Variants in LNX2 observed in about 807,000 individuals in gnomAD.
LNX2 encodes ligand of numb-protein X 2.
Under a neutral mutation model 66.2 loss-of-function variants are expected in LNX2, and 35 were observed. The observed-to-expected ratio is 0.53, with a 90% CI of 0.40 to 0.70. LNX2 has a LOEUF of 0.70. Among genes scored for constraint, LNX2 ranks in the 30% least tolerant of loss-of-function variants. LNX2 has a pLI of 0.00. For missense variants in LNX2, 791 were observed against 850.8 expected, an observed-to-expected ratio of 0.93 and a Z score of 0.87; for synonymous variants, 337 against 315.6, an observed-to-expected ratio of 1.07 and a Z score of -0.72.
intron 8 of LNX2, among the ~76,000 whole-genome samples, chr13:27,551,320 T>C (rs1593236633): frequency 6.6e-6 from 1 of 151,824 alleles, no homozygotes; most frequent in African/African-American, 2.4e-5. Context: ...CACACATGCA[T>C]ATATAAATGT....
At chr13:27,584,228 T>C (rs1353709292) in intron 1 of LNX2, among the ~76,000 whole-genome samples, 1 of 152,200 alleles carries the variant, frequency 6.6e-6, no homozygotes, top group African/African-American at 2.4e-5. Flanking sequence ...TGCTTATTTA[T>C]TTAAAGTATT....
rs34922531 is a variant in LNX2, at chr13:27,609,148, A to ATT, written c.-101+11225_-101+11226dup. Among the ~76,000 whole-genome samples, 104 of 56,518 alleles carry ATT rather than the reference A, an allele frequency of 1.8e-3. 1 individual carries two copies. The highest frequency in any genetic ancestry group is 4.8e-3 in the African/African-American group (101 of 21,092). The allele number at this position is 56,518 out of a possible 152,430, so 37.1% of individuals were successfully genotyped here. ...CAAAAGGTTCAAATAACCAACAGTG[A>ATT]TTTTTTTTTTCTTTTTTTTTAAGAG... On this transcript the variant is annotated intron_variant, in intron 1 of 9. Coordinates refer to ENST00000316334, the MANE Select transcript of LNX2 (RefSeq NM_153371.4).
rs1315567351 is a variant in LNX2, at chr13:27,546,222, C to T, written c.*2113G>A. The T allele has an allele frequency of 3.9e-5, 6 of 152,222 alleles. No homozygotes were observed. In the South Asian group the frequency reaches 1.0e-3, roughly 26 times the overall value. 9.4% of individuals were successfully genotyped at this position (152,222 alleles called of 1,614,324 possible). A position where few individuals can be genotyped will look rare whatever the true frequency, so the allele number is the denominator to read the frequency against. The stretch of plus-strand genomic sequence containing the variant: ...TTCTTTCAAAATACTCATTATGCCA[C>T]CAGGTTCAATGTAAGTATTTTGTAT... On this transcript the variant is annotated 3_prime_UTR_variant, in exon 10 of 10. Transcript: ENST00000316334.
chr13:27,611,089 A>G (rs1448918016), intron 1 of LNX2, among the ~76,000 whole-genome samples: 2 of 152,242 alleles, frequency 1.3e-5, no homozygotes, highest in Non-Finnish European at 2.9e-5. Context: ...ATATGATCTA[A>G]TAATCCCACT....
chr13:27,568,491 T>C (rs1955233534), intron 3 of LNX2, among the ~76,000 whole-genome samples: 2 of 152,196 alleles, frequency 1.3e-5, no homozygotes, highest in Admixed American at 6.5e-5. Context: ...ATGCATGGTC[T>C]TGGAGTCAAA....
intron 1 of LNX2, among the ~76,000 whole-genome samples, chr13:27,586,679 G>C (rs758726578): frequency 6.6e-6 from 1 of 152,194 alleles, no homozygotes; most frequent in Non-Finnish European, 1.5e-5. Context: ...ATATATCTGT[G>C]AGCAGTGTGA....
intron 1 of LNX2, among the ~76,000 whole-genome samples, chr13:27,591,436 CA>C (rs528528704): frequency 1.2e-3 from 183 of 152,268 alleles, no homozygotes; most frequent in African/African-American, 4.2e-3. Context: ...CCTGTGTTTC[CA>C]AAACGGATTC....
chr13:27,591,518 A>T (rs898952271), intron 1 of LNX2, among the ~76,000 whole-genome samples: 1 of 152,194 alleles, frequency 6.6e-6, no homozygotes, highest in African/African-American at 2.4e-5. Flanking sequence ...TAGGGAGTGA[A>T]CTTTCACAAA....
At chr13:27,553,950 A>G (rs1955032059) in intron 7 of LNX2, among the ~76,000 whole-genome samples, 1 of 152,210 alleles carries the variant, frequency 6.6e-6, no homozygotes, top group African/African-American at 2.4e-5. Flanking sequence ...GGCCCACATG[A>G]AGAAATGAAA....
rs1170497847 is a variant in LNX2, at chr13:27,553,111, T to C, written c.1778+97A>G. 1.6e-5 allele frequency: 16 copies of C among 1,011,936 alleles called. No individual in the cohort carries two copies. The East Asian group carries it at 3.7e-4, about 23-fold the overall frequency. 62.7% of individuals were successfully genotyped at this position (1,011,936 alleles called of 1,614,324 possible). The stretch of plus-strand genomic sequence containing the variant: ...GCTATTTTACTGAATTAAAGCTTTT[T>C]TTTTTATCCCAACGAGTAAATTTAT... On this transcript the variant is annotated intron_variant, in intron 8 of 9. Transcript: ENST00000316334.
intron 1 of LNX2, among the ~76,000 whole-genome samples, chr13:27,603,158 T>C (rs761823838): frequency 1.3e-5 from 2 of 152,202 alleles, no homozygotes; most frequent in Non-Finnish European, 2.9e-5. Context: ...TACTACTTAA[T>C]AATACCAACA....
Position 27,553,702 on chromosome 13 carries a change from A to G in LNX2, c.1547-263T>C, listed in dbSNP as rs1261250061. On this transcript the variant is annotated intron_variant, in intron 7 of 9. Transcript: ENST00000316334. ...CCTGAGGCACCTTGACATGATTGGA[A>G]GTTCGAATCATCAGTCTGAGTTTAG... Among the ~76,000 whole-genome samples the G allele has an allele frequency of 8.7e-4, 133 of 152,306 alleles. 3 individuals carry two copies. The highest frequency in any genetic ancestry group is 5.9e-5 in the Non-Finnish European group (4 of 68,022).
intron 3 of LNX2, among the ~76,000 whole-genome samples, chr13:27,568,410 C>G (rs1346688060): frequency 6.6e-6 from 1 of 152,194 alleles, no homozygotes; most frequent in Non-Finnish European, 1.5e-5. Context: ...AGATCCATGA[C>G]TACGGGCCTT....
Position 27,553,498 on chromosome 13 carries a change from CTTG to C in LNX2, c.1547-62_1547-60del, listed in dbSNP as rs200862078. 6,639 of 1,334,748 alleles carry C rather than the reference CTTG, an allele frequency of 5.0e-3. 24 individuals are homozygous for C. Among genetic ancestry groups the C allele is most frequent in the Non-Finnish European group, 6.0e-3 (5,572 of 929,920 alleles). The allele number at this position is 1,334,748 out of a possible 1,614,324, so 82.7% of individuals were successfully genotyped here. A position where few individuals can be genotyped will look rare whatever the true frequency, so the allele number is the denominator to read the frequency against. ...AGCCACTGAGTTTTCACCTGCAAATCTTGTTGTTTATAAACTAAGCAACAAAAG... is the reference window on the plus strand; with the variant it reads ...AGCCACTGAGTTTTCACCTGCAAATCTTGTTTATAAACTAAGCAACAAAAG... On this transcript the variant is annotated intron_variant, in intron 7 of 9. Coordinates refer to ENST00000316334, the MANE Select transcript of LNX2 (RefSeq NM_153371.4).
Position 27,546,257 on chromosome 13 carries a change from T to C in LNX2, c.*2078A>G, listed in dbSNP as rs548594942. 4.7e-4 allele frequency: 72 copies of C among 152,286 alleles called. No individual in the cohort carries two copies. Among genetic ancestry groups the C allele is most frequent in the African/African-American group, 1.7e-3 (70 of 41,578 alleles). The allele number at this position is 152,286 out of a possible 1,614,324, so 9.4% of individuals were successfully genotyped here. A position where few individuals can be genotyped will look rare whatever the true frequency, so the allele number is the denominator to read the frequency against. Reference sequence around the variant, plus strand: ...TGTAAGTATTTTGTATATAACAAAGTAGCAGTCAGGATATTTGTTGATGGA... The same window carrying C: ...TGTAAGTATTTTGTATATAACAAAGCAGCAGTCAGGATATTTGTTGATGGA... On this transcript the variant is annotated 3_prime_UTR_variant, in exon 10 of 10. Coordinates refer to ENST00000316334, the MANE Select transcript of LNX2 (RefSeq NM_153371.4).
chr13:27,585,495 A>G (rs1955474800), intron 1 of LNX2, among the ~76,000 whole-genome samples: 1 of 152,032 alleles, frequency 6.6e-6, no homozygotes, highest in East Asian at 1.9e-4. Flanking sequence ...CCTGTAATCT[A>G]AACTCCTATC....
intron 2 of LNX2, among the ~76,000 whole-genome samples, chr13:27,576,271 A>T (rs377369479): frequency 3.9e-5 from 6 of 152,206 alleles, no homozygotes; most frequent in Non-Finnish European, 8.8e-5. Context: ...GAACAACTAG[A>T]CATGGAACCA....
intron 7 of LNX2, among the ~76,000 whole-genome samples, chr13:27,553,641 T>G (rs1955029397): frequency 6.6e-6 from 1 of 152,166 alleles, no homozygotes; most frequent in South Asian, 2.1e-4. Context: ...TTCCATAATT[T>G]TAAAATAATG....
At chr13:27,586,743 A>G (rs1346429972) in intron 1 of LNX2, among the ~76,000 whole-genome samples, 1 of 152,242 alleles carries the variant, frequency 6.6e-6, no homozygotes, top group African/African-American at 2.4e-5. Flanking sequence ...AAATATAAAG[A>G]TAAAATGTAG....
Sources: gnomAD v4.1 joint callset for allele counts (sites outside exome capture counted in the v4.1 genomes callset) on GRCh38, gnomAD v4.1.1 for gene constraint, MANE v1.5 for transcripts, NCBI Gene and HGNC (gene_info 2026-07-23, HGNC 2026-07-21) for gene names.